The following RPAP2 variants were observed in gnomAD, a reference collection of about 807,000 sequenced individuals.
RPAP2 encodes the protein putative RNA polymerase II subunit B1 CTD phosphatase RPAP2.
In RPAP2, 52 loss-of-function variants were observed where a neutral mutation model predicts 73.1. That is an observed-to-expected ratio of 0.71 (90% confidence interval 0.57 to 0.90). The LOEUF (loss-of-function observed/expected upper bound fraction) is 0.90, where lower values mean the gene tolerates loss of function less well. Ranked by LOEUF, RPAP2 falls within the 40% of genes least tolerant of loss-of-function variation. The probability of loss-of-function intolerance (pLI) is 0.00; values close to 1 mark genes in which losing one functional copy is unlikely to be tolerated. For synonymous variants in RPAP2, 225 were observed against 242.1 expected, an observed-to-expected ratio of 0.93 and a Z score of 0.65; for missense variants, 598 against 701.8, an observed-to-expected ratio of 0.85 and a Z score of 1.67.
At chr1:92,380,278 C>CAA (rs66801616) in intron 11 of RPAP2, among the ~76,000 whole-genome samples, 3 of 117,202 alleles carry the variant, frequency 2.6e-5, no homozygotes, top group Non-Finnish European at 5.7e-5. Context: ...GACTCTGCCT[C>CAA]AAAAAAAAAA....
At chr1:92,318,322 C>G (rs1025840168) in intron 6 of RPAP2, among the ~76,000 whole-genome samples, 2 of 152,174 alleles carry the variant, frequency 1.3e-5, no homozygotes, top group Non-Finnish European at 2.9e-5. Flanking sequence ...TATTATGTTA[C>G]TCACTTTATG....
rs1296434021 is a variant in RPAP2 at position 92,300,047 on chromosome 1, A to T, written c.74-147A>T. ...ACAAACCTGCACAGCATGTTACTGT[A>T]CTAAGTACTGTAGGCAACTGTATAT... is the stretch of plus-strand genomic sequence containing the variant. On this transcript the variant is annotated intron_variant, in intron 1 of 12. Coordinates refer to ENST00000610020, the MANE Select transcript of RPAP2 (RefSeq NM_024813.3). The T allele has an allele frequency of 5.0e-6, 3 of 605,578 alleles. No individual in the cohort carries two copies. The African/African-American group carries it at 5.6e-5, about 11-fold the overall frequency. 37.5% of individuals were successfully genotyped at this position (605,578 alleles called of 1,614,324 possible). A position where few individuals can be genotyped will look rare whatever the true frequency, so the allele number is the denominator to read the frequency against.
intron 3 of RPAP2, 67 bp from the exon 4 acceptor site, chr1:92,303,910 C>A: frequency 2.9e-6 from 3 of 1,049,194 alleles, no homozygotes; most frequent in Non-Finnish European, 2.9e-6. Flanking sequence ...ATTGATGAGG[C>A]TTAGAGAGCT....
At chr1:92,373,748 A>AAT (rs1655266181) in intron 11 of RPAP2, among the ~76,000 whole-genome samples, 2 of 138,732 alleles carry the variant, frequency 1.4e-5, no homozygotes, top group Non-Finnish European at 3.1e-5. Context: ...ATAAAAAAAA[A>AAT]AAAAAAAAAA....
intron 12 of RPAP2, among the ~76,000 whole-genome samples, chr1:92,382,997 TTTTCCC>T (rs1655712077): frequency 6.6e-6 from 1 of 152,226 alleles, no homozygotes; most frequent in Non-Finnish European, 1.5e-5. Context: ...GGCTAGCCAG[TTTTCCC>T]AGCACCATTT....
chr1:92,367,023 G>A (rs1654962468), intron 11 of RPAP2, among the ~76,000 whole-genome samples: 1 of 152,210 alleles, frequency 6.6e-6, no homozygotes. Context: ...TTACTGCCAT[G>A]CAGGAAGAAA....
At chr1:92,370,487 A>G (rs542647540) in intron 11 of RPAP2, among the ~76,000 whole-genome samples, 1 of 152,348 alleles carries the variant, frequency 6.6e-6, no homozygotes, top group South Asian at 2.1e-4. Context: ...CAAAAGTTCC[A>G]TGAAGAAGAA....
intron 10 of RPAP2, among the ~76,000 whole-genome samples, chr1:92,338,464 A>G (rs1480470154): frequency 3.3e-5 from 5 of 152,214 alleles, no homozygotes; most frequent in Non-Finnish European, 7.3e-5. Context: ...CCATGCATCC[A>G]AAAGGAGATA....
intron 10 of RPAP2, among the ~76,000 whole-genome samples, chr1:92,338,103 T>C (rs1436775854): frequency 1.3e-5 from 2 of 152,176 alleles, no homozygotes; most frequent in African/African-American, 4.8e-5. Flanking sequence ...TTGTGGTATT[T>C]TACACTTCAG....
rs1655997340 is a variant in RPAP2 at position 92,390,150 on chromosome 1, G to C, written c.*3139G>C. On this transcript the variant is annotated 3_prime_UTR_variant, in exon 13 of 13. Coordinates refer to ENST00000610020, the MANE Select transcript of RPAP2 (RefSeq NM_024813.3). ...CTGTTAAGGGCAGCCAGAGAGAAAGGTCAGGTTACCCACAAAGGGAAGCCC... is the reference window on the plus strand; with the variant it reads ...CTGTTAAGGGCAGCCAGAGAGAAAGCTCAGGTTACCCACAAAGGGAAGCCC... The C allele has an allele frequency of 6.6e-6, 1 of 152,206 alleles. No homozygotes were observed. Among genetic ancestry groups the C allele is most frequent in the Admixed American group, 6.5e-5 (1 of 15,270 alleles). 9.4% of individuals were successfully genotyped at this position (152,206 alleles called of 1,614,324 possible).
At chr1:92,309,450 A>AAG (rs1651448181) in intron 6 of RPAP2, among the ~76,000 whole-genome samples, 1 of 151,824 alleles carries the variant, frequency 6.6e-6, no homozygotes, top group Non-Finnish European at 1.5e-5. Context: ...CAAAAAAAAA[A>AAG]AAATGGACTT....
At chr1:92,368,545 T>C (rs1458790240) in intron 11 of RPAP2, among the ~76,000 whole-genome samples, 1 of 152,196 alleles carries the variant, frequency 6.6e-6, no homozygotes, top group East Asian at 1.9e-4. Context: ...TCCAAAATTA[T>C]GGGTACCTTA....
chr1:92,347,836 G>C (rs1167191678), intron 11 of RPAP2, among the ~76,000 whole-genome samples: 1 of 152,022 alleles, frequency 6.6e-6, no homozygotes, highest in East Asian at 1.9e-4. Context: ...TAAAAATTGT[G>C]CCTTAATTGA....
chr1:92,375,601 C>T (rs1340858968), intron 11 of RPAP2, among the ~76,000 whole-genome samples: 5 of 152,122 alleles, frequency 3.3e-5, no homozygotes, highest in East Asian at 3.9e-4. Context: ...GAGGCCTACG[C>T]GGGCAGATCA....
At chr1:92,305,124 G>C (rs1375999028) in intron 5 of RPAP2, among the ~76,000 whole-genome samples, 1 of 151,642 alleles carries the variant, frequency 6.6e-6, no homozygotes, top group Non-Finnish European at 1.5e-5. Flanking sequence ...AACAGAGCAA[G>C]ACACTGTCTT....
At chr1:92,323,101 A>G (rs1398508282) in intron 7 of RPAP2, among the ~76,000 whole-genome samples, 1 of 147,662 alleles carries the variant, frequency 6.8e-6, no homozygotes, top group African/African-American at 2.5e-5. Flanking sequence ...ATTTGCAACA[A>G]CAGGCAAATC....
rs1164616454 is a variant in RPAP2, at chr1:92,393,218, C to T, written c.*6207C>T. The T allele has an allele frequency of 2.6e-5, 4 of 152,176 alleles. No individual in the cohort carries two copies. Among genetic ancestry groups the T allele is most frequent in the Non-Finnish European group, 5.9e-5 (4 of 68,016 alleles). 9.4% of individuals were successfully genotyped at this position (152,176 alleles called of 1,614,324 possible). A position where few individuals can be genotyped will look rare whatever the true frequency, so the allele number is the denominator to read the frequency against. The stretch of plus-strand genomic sequence containing the variant: ...TGATCTTTGACAAACCTGACACACA[C>T]AAGCAATGGGGAAAAGATTCCCTAT... On this transcript the variant is annotated 3_prime_UTR_variant, in exon 13 of 13. Transcript: ENST00000610020.
At chr1:92,353,608 T>C (rs145017820) in intron 11 of RPAP2, among the ~76,000 whole-genome samples, 193 of 152,338 alleles carry the variant, frequency 1.3e-3, no homozygotes, top group Non-Finnish European at 2.0e-3. Flanking sequence ...GATTCCTCAG[T>C]ATCCATAAAA....
intron 10 of RPAP2, 78 bp from the exon 11 acceptor site, chr1:92,345,768 A>T (rs1192391847): frequency 4.4e-6 from 4 of 901,428 alleles, no homozygotes; most frequent in Non-Finnish European, 7.0e-6. Context: ...CATTATTATA[A>T]ATCTGATGTT....
Sources: allele counts gnomAD v4.1 joint callset (sites outside exome capture counted in the v4.1 genomes callset), GRCh38; gene constraint gnomAD v4.1.1; transcripts MANE v1.5; gene names NCBI Gene and HGNC (gene_info 2026-07-23, HGNC 2026-07-21).